The following KCNQ2 variants were observed in gnomAD, a reference collection of about 807,000 sequenced individuals.
KCNQ2 encodes the protein potassium voltage-gated channel subfamily Q member 2, also known as potassium voltage-gated channel subfamily KQT member 2.
KCNQ2 carries 14 observed loss-of-function variants against 84.8 expected under a neutral mutation model. The observed-to-expected ratio is 0.17, with a 90% confidence interval of 0.11 to 0.26. KCNQ2 has a LOEUF of 0.26. Ranked by LOEUF, KCNQ2 falls within the 10% of genes least tolerant of loss-of-function variation. The pLI is 1.00. For missense variants in KCNQ2, 788 were observed against 1,254.0 expected, an observed-to-expected ratio of 0.63 and a Z score of 5.61; for synonymous variants, 599 against 554.1, an observed-to-expected ratio of 1.08 and a Z score of -1.14.
At chr20:63,466,114 A>G (rs1438711756) in intron 1 of KCNQ2, among the ~76,000 whole-genome samples, 1 of 152,186 alleles carries the variant, frequency 6.6e-6, no homozygotes, top group East Asian at 1.9e-4. Flanking sequence ...GATGCTGGGA[A>G]CACGCCGGAA....
In KCNQ2 at chr20:63,400,728, C is replaced by T. The variant is rs1382448969; in HGVS notation, c.*5916G>A. ...GCGGGCATGGCGGGCACACGTGGGC[C>T]GTGTGGATCCCGGGCAGAGGGATGG... On this transcript the variant is annotated 3_prime_UTR_variant, in exon 17 of 17. Coordinates refer to ENST00000359125, the MANE Select transcript of KCNQ2 (RefSeq NM_172107.4). The surrounding 1 kb of genome is among the most constrained non-coding windows in gnomAD (Gnocchi z 8.7). 6 of 398,388 alleles carry T rather than the reference C, an allele frequency of 1.5e-5. No individual in the cohort carries two copies. The highest frequency in any genetic ancestry group is 8.2e-5 in the African/African-American group (4 of 48,612). The allele number at this position is 398,388 out of a possible 1,614,324, so 24.7% of individuals were successfully genotyped here. A position where few individuals can be genotyped will look rare whatever the true frequency, so the allele number is the denominator to read the frequency against.
Position 63,425,910 on chromosome 20 carries a change from C to T in KCNQ2, c.1218-1704G>A, listed in dbSNP as rs1167554381. On this transcript the variant is annotated intron_variant, in intron 10 of 16. Coordinates refer to ENST00000359125, the MANE Select transcript of KCNQ2 (RefSeq NM_172107.4). The surrounding 1 kb of genome is among the most constrained non-coding windows in gnomAD (Gnocchi z 5.5). ...TTAAAGTATCAACAGCAGGACAGCT[C>T]TTCCCACTCAAAAAGGGAGAATGAC... Among the ~76,000 whole-genome samples, 1 of 152,246 alleles carries T rather than the reference C, an allele frequency of 6.6e-6. No homozygotes were observed. The highest frequency in any genetic ancestry group is 1.5e-5 in the Non-Finnish European group (1 of 68,040).
intron 11 of KCNQ2, among the ~76,000 whole-genome samples, chr20:63,420,011 C>T (rs537482750): frequency 1.3e-4 from 20 of 152,332 alleles, no homozygotes; most frequent in East Asian, 3.9e-4. Context: ...CCTCAGACGC[C>T]GCAGAAGCCC....
At chr20:63,466,163 C>T (rs569254800) in intron 1 of KCNQ2, among the ~76,000 whole-genome samples, 18 of 152,308 alleles carry the variant, frequency 1.2e-4, no homozygotes, top group South Asian at 8.3e-4. Context: ...CTACCCGGCA[C>T]ACACAGGGCA....
intron 11 of KCNQ2, chr20:63,423,688 C>T (rs1008480806): frequency 8.9e-5 from 14 of 157,342 alleles, no homozygotes; most frequent in Non-Finnish European, 1.7e-4. Flanking sequence ...ATGTCCCACC[C>T]TCCTCGGAGG....
At chr20:63,457,632 C>T (rs1019940060) in intron 1 of KCNQ2, among the ~76,000 whole-genome samples, 2 of 152,248 alleles carry the variant, frequency 1.3e-5, no homozygotes, top group Admixed American at 6.5e-5. Flanking sequence ...CCCTCGGGAA[C>T]AGGAGTGGAG....
chr20:63,435,507 G>A (rs2080967739), intron 7 of KCNQ2, among the ~76,000 whole-genome samples: 1 of 152,178 alleles, frequency 6.6e-6, no homozygotes, highest in Non-Finnish European at 1.5e-5. Context: ...GATGAGCAAA[G>A]TAAGTGGTTT....
In KCNQ2 at chr20:63,414,868, G is replaced by A. The variant is rs1601572517; in HGVS notation, c.1525+35C>T. 4 of 1,601,240 alleles carry A rather than the reference G, an allele frequency of 2.5e-6. No individual in the cohort carries two copies. The highest frequency in any genetic ancestry group is 3.4e-6 in the Non-Finnish European group (4 of 1,170,790). On this transcript the variant is annotated intron_variant, in intron 13 of 16. Coordinates refer to ENST00000359125, the MANE Select transcript of KCNQ2 (RefSeq NM_172107.4). This position sits in a 1 kb window ranked among gnomAD's most constrained non-coding sequence, Gnocchi z 6.6. ...CGTGGCCACCACATCCATCCCCGGA[G>A]AGGATGGACCAGGAGAGGATGCGGC...
Position 63,407,119 on chromosome 20 carries a change from G to C in KCNQ2, c.2144C>G (p.Ser715Cys). The C allele has an allele frequency of 6.5e-7, 1 of 1,550,132 alleles. No homozygotes were observed. The highest frequency in any genetic ancestry group is 8.7e-7 in the Non-Finnish European group (1 of 1,150,954). Reference protein sequence around the residue: ...PAAPPVQCPPSTSWQPQSHPR... With the variant: ...PAAPPVQCPPCTSWQPQSHPR... Reference sequence around the variant, plus strand: ...GTGGCTCTGTGGCTGCCAGGAGGTGGAGGGCGGACACTGGACAGGGGGCGC... The same window carrying C: ...GTGGCTCTGTGGCTGCCAGGAGGTGCAGGGCGGACACTGGACAGGGGGCGC... The change falls in exon 17 of 17, where the codon TCC becomes TGC. Residue 715 changes from serine (S) to cysteine (C), a missense_variant. Ser to Cys is a moderately radical substitution (Grantham distance 112). Coordinates refer to ENST00000359125, the MANE Select transcript of KCNQ2 (RefSeq NM_172107.4). This position sits in a 1 kb window ranked among gnomAD's most constrained non-coding sequence, Gnocchi z 7.2.
At chr20:63,442,339 C>G (rs2081184659) in intron 5 of KCNQ2, 67 bp downstream of exon 5, 1 of 1,612,434 alleles carries the variant, frequency 6.2e-7, no homozygotes, top group African/African-American at 1.3e-5. Flanking sequence ...CAGTGAGAGC[C>G]TGGTCCCAGC....
chr20:63,414,697 A>G lies in KCNQ2; in HGVS notation c.1525+206T>C, dbSNP rs1288778341. Among the ~76,000 whole-genome samples, 1 of 151,468 alleles carries G rather than the reference A, an allele frequency of 6.6e-6. No individual in the cohort carries two copies. The highest frequency in any genetic ancestry group is 1.5e-5 in the Non-Finnish European group (1 of 67,944). On this transcript the variant is annotated intron_variant, in intron 13 of 16. Transcript: ENST00000359125. The surrounding 1 kb of genome is among the most constrained non-coding windows in gnomAD (Gnocchi z 6.6). The stretch of plus-strand genomic sequence containing the variant: ...AGGTGGTGGTGACAACTCCACCGTG[A>G]GCGTGCTACATGCCACTGAATTCCT...
chr20:63,469,842 T>C (rs1437964616), intron 1 of KCNQ2, among the ~76,000 whole-genome samples: 1 of 152,134 alleles, frequency 6.6e-6, no homozygotes, highest in Non-Finnish European at 1.5e-5. Flanking sequence ...GCCTCCCAAG[T>C]GGAGGTGGGG....
rs997258132 is a variant in KCNQ2 at position 63,472,332 on chromosome 20, G to A, written c.132C>T (p.Gly44=). The A allele has an allele frequency of 5.9e-6, 9 of 1,537,328 alleles. No individual in the cohort carries two copies. Among genetic ancestry groups the A allele is most frequent in the Non-Finnish European group, 7.0e-6 (8 of 1,142,578 alleles). ...STRDGALLIA[G]SEAPKRGSIL... ...TGCTGCCGCGCTTGGGGGCCTCGGA[G>A]CCGGCGATCAGCAGCGCCCCGTCCC... The change falls in exon 1 of 17, where the codon GGC becomes GGT. Residue 44 remains glycine (G), a synonymous_variant. Transcript: ENST00000359125.
At chr20:63,424,562 G>C in intron 10 of KCNQ2, 1 of 305,268 alleles carries the variant, frequency 3.3e-6, no homozygotes, top group Non-Finnish European at 6.1e-6. Flanking sequence ...GCTGAAGGAA[G>C]CTCTGGAAGG....
chr20:63,440,048 G>T lies in KCNQ2; in HGVS notation c.817-340C>A, dbSNP rs1423135507. On this transcript the variant is annotated intron_variant, in intron 5 of 16. Transcript: ENST00000359125. The stretch of plus-strand genomic sequence containing the variant: ...CCGCCAGGTGAAGAGTGCAGCTGGG[G>T]AGAAGGGAGTGCCCAGAGGGACCCA... 3.9e-5 allele frequency among the ~76,000 whole-genome samples: 6 copies of T among 152,260 alleles called. No homozygotes were observed. The East Asian group carries it at 1.2e-3, about 29-fold the overall frequency.
intron 1 of KCNQ2, among the ~76,000 whole-genome samples, chr20:63,464,438 C>A (rs2082032765): frequency 6.6e-6 from 1 of 152,138 alleles, no homozygotes; most frequent in East Asian, 1.9e-4. Flanking sequence ...ACATGAAGCT[C>A]TGTGGAGAGC....
intron 7 of KCNQ2, among the ~76,000 whole-genome samples, chr20:63,436,185 TC>T (rs1449312757): frequency 6.6e-6 from 1 of 152,186 alleles, no homozygotes; most frequent in Non-Finnish European, 1.5e-5. Context: ...GAGAAATCTT[TC>T]GTGAAAGGAA....
chr20:63,472,492 G>C lies in KCNQ2; in HGVS notation c.-29C>G. 2 of 1,455,682 alleles carry C rather than the reference G, an allele frequency of 1.4e-6. No homozygotes were observed. Among genetic ancestry groups the C allele is most frequent in the East Asian group, 2.9e-5 (1 of 33,900 alleles). 90.2% of individuals were successfully genotyped at this position (1,455,682 alleles called of 1,614,324 possible). A position where few individuals can be genotyped will look rare whatever the true frequency, so the allele number is the denominator to read the frequency against. ...GCCTGGCGGGAGGCGCCCCGGGTCGGGCTCAGGCTCAGCGGGGGCGGAGCG... is the reference window on the plus strand; with the variant it reads ...GCCTGGCGGGAGGCGCCCCGGGTCGCGCTCAGGCTCAGCGGGGGCGGAGCG... On this transcript the variant is annotated 5_prime_UTR_variant, in exon 1 of 17. Coordinates refer to ENST00000359125, the MANE Select transcript of KCNQ2 (RefSeq NM_172107.4).
intron 11 of KCNQ2, among the ~76,000 whole-genome samples, chr20:63,420,672 G>A (rs756117337): frequency 9.9e-5 from 15 of 152,150 alleles, no homozygotes; most frequent in Admixed American, 3.3e-4. Flanking sequence ...TCACAGACAC[G>A]GCTAGCTCCA....
Sources: allele counts gnomAD v4.1 joint callset (sites outside exome capture counted in the v4.1 genomes callset), GRCh38; gene constraint gnomAD v4.1.1; non-coding constraint Gnocchi (gnomAD v3.1); transcripts MANE v1.5; gene names NCBI Gene and HGNC (gene_info 2026-07-23, HGNC 2026-07-21).